The following MYO1B variants were observed in gnomAD, a reference collection of about 807,000 sequenced individuals.
MYO1B encodes the protein unconventional myosin-Ib.
MYO1B carries 72 observed loss-of-function variants against 159.7 expected under a neutral mutation model. That is an observed-to-expected ratio of 0.45 (90% CI 0.37 to 0.55). MYO1B has a LOEUF of 0.55. Among genes scored for constraint, MYO1B ranks in the 20% least tolerant of loss-of-function variants. The probability of loss-of-function intolerance (pLI) is 0.00; values close to 1 mark genes in which losing one functional copy is unlikely to be tolerated. For missense variants in MYO1B, 1,062 were observed against 1,364.8 expected, an observed-to-expected ratio of 0.78 and a Z score of 3.50; for synonymous variants, 468 against 473.8, an observed-to-expected ratio of 0.99 and a Z score of 0.16.
intron 1 of MYO1B, among the ~76,000 whole-genome samples, chr2:191,256,608 T>C (rs1423101312): frequency 6.6e-6 from 1 of 152,214 alleles, no homozygotes; most frequent in African/African-American, 2.4e-5. Flanking sequence ...TGTTAAGTGA[T>C]TGTGTTACGA....
intron 2 of MYO1B, among the ~76,000 whole-genome samples, chr2:191,294,667 T>A (rs1198370490): frequency 6.6e-6 from 1 of 150,818 alleles, no homozygotes; most frequent in Non-Finnish European, 1.5e-5. Context: ...GATAGAATGT[T>A]AGAAATAAAT....
intron 3 of MYO1B, among the ~76,000 whole-genome samples, 186 bp from the exon 4 acceptor site, chr2:191,329,749 A>C (rs894485559): frequency 6.6e-6 from 1 of 151,676 alleles, no homozygotes; most frequent in African/African-American, 2.4e-5. Context: ...ACATGGAAGA[A>C]GGTAACGTGT....
At chr2:191,297,038 A>G (rs567149658) in intron 3 of MYO1B, among the ~76,000 whole-genome samples, 1 of 152,330 alleles carries the variant, frequency 6.6e-6, no homozygotes, top group South Asian at 2.1e-4. Flanking sequence ...CACAAACAAT[A>G]CCTTAAACTT....
At chr2:191,392,776 G>C (rs1695834750) in intron 19 of MYO1B, among the ~76,000 whole-genome samples, 1 of 152,078 alleles carries the variant, frequency 6.6e-6, no homozygotes, top group Non-Finnish European at 1.5e-5. Flanking sequence ...CCTTCCATTA[G>C]TAATTTGCAT....
At chr2:191,396,388 A>G in intron 20 of MYO1B, 41 bp from the exon 21 acceptor site, 4 of 1,596,978 alleles carry the variant, frequency 2.5e-6, no homozygotes, top group Non-Finnish European at 2.6e-6. Context: ...CGTTACAGAT[A>G]TTAACTACAA....
chr2:191,369,277 A>G (rs1027042130), intron 11 of MYO1B, among the ~76,000 whole-genome samples: 4 of 152,154 alleles, frequency 2.6e-5, no homozygotes, highest in Non-Finnish European at 4.4e-5. Flanking sequence ...TCTCTGTTCC[A>G]TAAAATTGAA....
chr2:191,277,759 G>T (rs186440034), intron 2 of MYO1B, among the ~76,000 whole-genome samples: 8 of 152,320 alleles, frequency 5.3e-5, no homozygotes, highest in African/African-American at 1.9e-4. Flanking sequence ...ATGAGGCATT[G>T]ATTCCCTGTA....
In MYO1B at chr2:191,414,068, G is replaced by A. The variant is rs776402992; in HGVS notation, c.2894G>A (p.Gly965Glu). 4 of 1,610,892 alleles carry A rather than the reference G, an allele frequency of 2.5e-6. No individual in the cohort carries two copies. The highest frequency in any genetic ancestry group is 3.4e-6 in the Non-Finnish European group (4 of 1,178,690). The change falls in exon 28 of 31, where the codon GGG becomes GAG. Residue 965 changes from glycine (G) to glutamate (E), a missense_variant. Physicochemically the swap from Gly to Glu is moderately conservative, Grantham distance 98. This residue lies in a region of MYO1B where 609 missense variants were observed against 744.4 expected (regional missense o/e 0.82). Transcript: ENST00000392318. The part of the protein sequence containing the change: ...YPSSVGQPFQ[G>E]AYLEINKNPK... ...TTTAGTGTTGGGCAACCATTCCAAG[G>A]GGCTTACCTGGAAATCAACAAGAAC...
intron 3 of MYO1B, among the ~76,000 whole-genome samples, chr2:191,323,484 A>G (rs1469462421): frequency 2.6e-5 from 4 of 152,072 alleles, no homozygotes; most frequent in African/African-American, 4.8e-5. Context: ...AGATAGTATG[A>G]TTTTCTTCCT....
rs114890535 is a variant in MYO1B at position 191,409,596 on chromosome 2, G to A, written c.2766+418G>A. 6.8e-3 allele frequency among the ~76,000 whole-genome samples: 1,037 copies of A among 152,344 alleles called. 9 individuals carry two copies. Among genetic ancestry groups the A allele is most frequent in the African/African-American group, 0.024 (1,004 of 41,584 alleles). The stretch of plus-strand genomic sequence containing the variant: ...TTTACTTTATCAGATGTACAGAACA[G>A]ATAATCAGATAATACATGTGAACAC... On this transcript the variant is annotated intron_variant, in intron 26 of 30. Coordinates refer to ENST00000392318, the MANE Select transcript of MYO1B (RefSeq NM_001130158.3).
At chr2:191,402,755 C>T in intron 24 of MYO1B, 37 bp downstream of exon 24, 1 of 1,533,858 alleles carries the variant, frequency 6.5e-7, no homozygotes, top group Non-Finnish European at 8.9e-7. Flanking sequence ...CCAGGGTGAA[C>T]TTCATAAAGC....
intron 1 of MYO1B, among the ~76,000 whole-genome samples, chr2:191,253,609 A>C (rs1686260499): frequency 6.6e-6 from 1 of 152,204 alleles, no homozygotes; most frequent in South Asian, 2.1e-4. Context: ...GCACAATGAA[A>C]TGTTGAAAGT....
intron 24 of MYO1B, among the ~76,000 whole-genome samples, chr2:191,405,372 T>C (rs1390714689): frequency 6.6e-6 from 1 of 152,214 alleles, no homozygotes; most frequent in Non-Finnish European, 1.5e-5. Flanking sequence ...GGAATCAACT[T>C]CTTCCAAACT....
At chr2:191,254,497 ACC>A (rs1056269779) in intron 1 of MYO1B, among the ~76,000 whole-genome samples, 5 of 148,292 alleles carry the variant, frequency 3.4e-5, no homozygotes, top group African/African-American at 4.9e-5. Context: ...GGCGTGAGCC[ACC>A]GCGCCCGGCC....
intron 1 of MYO1B, among the ~76,000 whole-genome samples, chr2:191,254,749 C>G (rs1687796661): frequency 6.6e-6 from 1 of 152,040 alleles, no homozygotes; most frequent in African/African-American, 2.4e-5. Flanking sequence ...GCCTTGGTTT[C>G]CCAAGTGCTG....
chr2:191,268,345 A>G (rs975551201), intron 1 of MYO1B, among the ~76,000 whole-genome samples: 5 of 152,118 alleles, frequency 3.3e-5, no homozygotes, highest in Admixed American at 3.3e-4. Context: ...TCTTATAAGG[A>G]CACCAATCTC....
At position 191,402,665 on chromosome 2, in the gene MYO1B, G is replaced by T; in HGVS notation, c.2503G>T (p.Ala835Ser). ...GGAATTGAAACGCTTGAAGGAGGAG[G>T]CTAGGCGTAAGCATGCAGTTGCTGT... ...RRELKRLKEE[A>S]RRKHAVAVIW... The change falls in exon 24 of 31, where the codon GCT becomes TCT. Residue 835 changes from alanine to serine, a missense_variant. This residue lies in a region of MYO1B where 609 missense variants were observed against 744.4 expected (regional missense o/e 0.82). Transcript: ENST00000392318. 1 of 1,613,722 alleles carries T rather than the reference G, an allele frequency of 6.2e-7. No individual in the cohort carries two copies. The highest frequency in any genetic ancestry group is 1.1e-5 in the South Asian group (1 of 90,982).
At chr2:191,315,157 GTCCATCCATCCATCCA>G (rs5837229) in intron 3 of MYO1B, among the ~76,000 whole-genome samples, 5 of 150,068 alleles carry the variant, frequency 3.3e-5, no homozygotes, top group Admixed American at 1.3e-4. Context: ...CCGTCCGTCC[GTCCATCCATCCATCCA>G]TCCATCCATC....
intron 8 of MYO1B, among the ~76,000 whole-genome samples, chr2:191,362,017 A>T (rs1693701527): frequency 6.6e-6 from 1 of 152,168 alleles, no homozygotes; most frequent in Non-Finnish European, 1.5e-5. Context: ...CATTGAAGGT[A>T]TTTTTTATTA....
Sources: allele counts gnomAD v4.1 joint callset (sites outside exome capture counted in the v4.1 genomes callset), GRCh38; gene constraint gnomAD v4.1.1; regional missense constraint gnomAD v4.1.1; transcripts MANE v1.5; gene names NCBI Gene and HGNC (gene_info 2026-07-23, HGNC 2026-07-21).